Variants in C1orf159 observed in about 807,000 individuals in gnomAD.
C1orf159 encodes uncharacterized protein C1orf159.
In C1orf159, 19 loss-of-function variants were observed where a neutral mutation model predicts 25.6. The ratio of observed to expected loss-of-function variants is 0.74; its 90% CI spans 0.52 to 1.09. The LOEUF is 1.09. Ranked by LOEUF, C1orf159 falls within the 50% of genes least tolerant of loss-of-function variation. C1orf159 has a pLI of 0.00. For missense variants in C1orf159, 274 were observed against 290.6 expected (o/e 0.94, Z 0.42); for synonymous variants, 139 against 124.7 (o/e 1.12, Z -0.77).
At chr1:1,084,086 T>C in intron 9 of C1orf159, 1 of 1,602,294 alleles carries the variant, frequency 6.2e-7, no homozygotes, top group South Asian at 1.1e-5. Context: ...AGACCCCACG[T>C]CTCGGGAACA....
At chr1:1,091,957 G>A (rs1452162054) in intron 2 of C1orf159, 34 bp downstream of exon 2, 1 of 456,346 alleles carries the variant, frequency 2.2e-6, no homozygotes, top group South Asian at 1.6e-5. Context: ...GCCTTTGGAG[G>A]CACGGGTGGG....
chr1:1,100,963 C>G (rs1646092439), intron 1 of C1orf159, among the ~76,000 whole-genome samples: 1 of 152,122 alleles, frequency 6.6e-6, no homozygotes, highest in African/African-American at 2.4e-5. Flanking sequence ...TAATTTTTCC[C>G]CAGATATTTA....
chr1:1,102,768 A>G (rs1646120736), intron 1 of C1orf159, among the ~76,000 whole-genome samples: 1 of 151,622 alleles, frequency 6.6e-6, no homozygotes, highest in South Asian at 2.1e-4. Flanking sequence ...ACTGAACTCC[A>G]GCCTGGGTGA....
At position 1,087,661 on chromosome 1, in the gene C1orf159, G is replaced by A; in HGVS notation, c.149-64C>T. The A allele has an allele frequency of 1.7e-6, 2 of 1,192,624 alleles. No individual in the cohort carries two copies. The highest frequency in any genetic ancestry group is 1.9e-4 in the Middle Eastern group (1 of 5,252). The allele number at this position is 1,192,624 out of a possible 1,614,324, so 73.9% of individuals were successfully genotyped here. ...AATCCACACCAGCTGGGTCTCCTGG[G>A]AATGATTCTCTATTTGAGTTGGTGA... On this transcript the variant is annotated intron_variant, in intron 4 of 9. Transcript: ENST00000421241. The surrounding 1 kb of genome is among the most constrained non-coding windows in gnomAD (Gnocchi z 8.3).
intron 3 of C1orf159, 62 bp from the exon 4 acceptor site, chr1:1,090,490 C>T: frequency 1.3e-6 from 2 of 1,509,716 alleles, no homozygotes; most frequent in South Asian, 2.4e-5. Context: ...ACGCCCAGAG[C>T]AGCAGCGGCT....
At chr1:1,104,982 C>T (rs987394554) in intron 1 of C1orf159, among the ~76,000 whole-genome samples, 2 of 152,210 alleles carry the variant, frequency 1.3e-5, no homozygotes, top group African/African-American at 2.4e-5. Flanking sequence ...CCAGACACCA[C>T]GCGAAGGGAT....
intron 3 of C1orf159, chr1:1,091,174 G>A (rs542380014): frequency 1.7e-4 from 106 of 618,230 alleles, no homozygotes; most frequent in East Asian, 7.4e-4. Flanking sequence ...AGCGATGCGC[G>A]GCACGCTGTG....
At chr1:1,100,197 A>G (rs1490446656) in intron 1 of C1orf159, among the ~76,000 whole-genome samples, 2 of 152,068 alleles carry the variant, frequency 1.3e-5, no homozygotes, top group Non-Finnish European at 2.9e-5. Flanking sequence ...CATTTTAGCA[A>G]TCTCTGCCTT....
intron 1 of C1orf159, among the ~76,000 whole-genome samples, chr1:1,107,799 T>G (rs1646195268): frequency 6.6e-6 from 1 of 152,196 alleles, no homozygotes; most frequent in African/African-American, 2.4e-5. Context: ...TAAATCTTGC[T>G]GCTGCTCACT....
chr1:1,091,241 C>T, intron 3 of C1orf159: 1 of 633,850 alleles, frequency 1.6e-6, no homozygotes, highest in East Asian at 2.7e-5. Flanking sequence ...ACCGTGGGGG[C>T]CCCGCCTGAC....
intron 1 of C1orf159, among the ~76,000 whole-genome samples, chr1:1,107,547 G>T (rs4970354): frequency 0.24 from 36,350 of 152,042 alleles, 5,868 homozygotes; most frequent in African/African-American, 0.46. Flanking sequence ...TCTAGCTAGA[G>T]GACTGTAAAT....
At chr1:1,097,701 G>A (rs1386458708) in intron 1 of C1orf159, among the ~76,000 whole-genome samples, 1 of 151,644 alleles carries the variant, frequency 6.6e-6, no homozygotes. Context: ...GGGATTACAG[G>A]CGTGAACCAC....
chr1:1,107,905 G>A (rs1035061455), intron 1 of C1orf159, among the ~76,000 whole-genome samples: 2 of 152,190 alleles, frequency 1.3e-5, no homozygotes, highest in African/African-American at 4.8e-5. Context: ...CCACCAGAAG[G>A]AAGAAACTCC....
intron 1 of C1orf159, among the ~76,000 whole-genome samples, chr1:1,107,656 G>A (rs1646192419): frequency 6.6e-6 from 1 of 152,206 alleles, no homozygotes; most frequent in African/African-American, 2.4e-5. Flanking sequence ...TCAGCTGTCT[G>A]TAAAATGGGC....
chr1:1,095,871 A>T (rs534244208), intron 1 of C1orf159, among the ~76,000 whole-genome samples: 101 of 152,226 alleles, frequency 6.6e-4, no homozygotes, highest in Non-Finnish European at 1.2e-3. Flanking sequence ...AGGTTTTTTT[A>T]AAAAAATCAT....
chr1:1,084,304 T>A (rs1006591821), intron 9 of C1orf159, 49 bp downstream of exon 9: 2 of 1,524,686 alleles, frequency 1.3e-6, no homozygotes, highest in Non-Finnish European at 1.8e-6. Context: ...ACCCTGGGAC[T>A]GGCCCAGAGA....
chr1:1,087,293 T>C lies in C1orf159; in HGVS notation c.245-89A>G. On this transcript the variant is annotated intron_variant, in intron 5 of 9. Transcript: ENST00000421241. The surrounding 1 kb of genome is among the most constrained non-coding windows in gnomAD (Gnocchi z 8.3). ...CCCTGAAGGGATCTCAGGACGGAAA[T>C]ATGAAAGCGAGGGGCTGAGGGGGCG... 1 of 1,363,524 alleles carries C rather than the reference T, an allele frequency of 7.3e-7. No homozygotes were observed. Among genetic ancestry groups the C allele is most frequent in the East Asian group, 2.5e-5 (1 of 40,450 alleles). 84.5% of individuals were successfully genotyped at this position (1,363,524 alleles called of 1,614,324 possible).
intron 3 of C1orf159, chr1:1,090,792 C>T: frequency 1.7e-6 from 2 of 1,172,198 alleles, no homozygotes; most frequent in Non-Finnish European, 2.5e-6. Flanking sequence ...AGAGGAAGTG[C>T]CCGGGCCTGG....
intron 9 of C1orf159, chr1:1,084,104 G>C (rs536099112): frequency 6.3e-7 from 1 of 1,591,692 alleles, no homozygotes; most frequent in African/African-American, 1.3e-5. Context: ...ACAGGAAAGA[G>C]CATGGAAGTC....
Sources: gnomAD v4.1 joint callset for allele counts (sites outside exome capture counted in the v4.1 genomes callset) on GRCh38, gnomAD v4.1.1 for gene constraint, Gnocchi (gnomAD v3.1) non-coding constraint, MANE v1.5 for transcripts, NCBI Gene and HGNC (gene_info 2026-07-23, HGNC 2026-07-21) for gene names.